Variants in MREG observed in about 807,000 individuals in gnomAD.
MREG encodes the protein melanoregulin, also known as dilute suppressor protein homolog.
MREG carries 31 observed loss-of-function variants against 28.5 expected under a neutral mutation model. That is an observed-to-expected ratio of 1.09 (90% confidence interval 0.82 to 1.47). The LOEUF (loss-of-function observed/expected upper bound fraction) is 1.47. Among genes scored for constraint, MREG ranks in the 40% most tolerant of loss-of-function variants. The pLI, the probability that MREG is intolerant of heterozygous loss-of-function variation, is 0.00. For synonymous variants in MREG, 106 were observed against 95.2 expected, an observed-to-expected ratio of 1.11 and a Z score of -0.66; for missense variants, 256 against 257.4, an observed-to-expected ratio of 0.99 and a Z score of 0.04.
downstream of MREG, among the ~76,000 whole-genome samples, chr2:215,940,617 T>G (rs909862784): frequency 6.6e-6 from 1 of 152,130 alleles, no homozygotes; most frequent in Non-Finnish European, 1.5e-5. Flanking sequence ...GGAAAATATG[T>G]GATAGTGATT....
intron 1 of MREG, among the ~76,000 whole-genome samples, chr2:216,001,995 C>T (rs77818817): frequency 0.011 from 1,610 of 152,200 alleles, 26 homozygotes; most frequent in African/African-American, 0.037. Flanking sequence ...GGACAGATGG[C>T]GGGAAACAGA....
At chr2:216,018,626 C>T (rs181104434) in intron 1 of MREG, among the ~76,000 whole-genome samples, 75 of 152,356 alleles carry the variant, frequency 4.9e-4, no homozygotes, top group Admixed American at 2.5e-3. Flanking sequence ...AGCCAAGCAT[C>T]ATCACTCACC....
At chr2:215,947,489 C>A (rs1005494233) in intron 2 of MREG, among the ~76,000 whole-genome samples, 1 of 152,162 alleles carries the variant, frequency 6.6e-6, no homozygotes, top group Non-Finnish European at 1.5e-5. Context: ...CAGTGAGCAT[C>A]TAATAAAATC....
chr2:216,019,873 C>T (rs1227015606), intron 1 of MREG, among the ~76,000 whole-genome samples: 4 of 152,104 alleles, frequency 2.6e-5, no homozygotes, highest in Non-Finnish European at 5.9e-5. Flanking sequence ...TCTAGAAAAC[C>T]TTAATAGTCA....
At chr2:216,000,784 T>C (rs1011359259) in intron 1 of MREG, among the ~76,000 whole-genome samples, 1 of 152,224 alleles carries the variant, frequency 6.6e-6, no homozygotes, top group African/African-American at 2.4e-5. Flanking sequence ...ACATAACTCA[T>C]GGTTACCGCC....
chr2:215,996,345 A>G lies in MREG; in HGVS notation c.216T>C (p.Asn72=), dbSNP rs531615057. 8 of 1,613,852 alleles carry G rather than the reference A, an allele frequency of 5.0e-6. No homozygotes were observed. Among genetic ancestry groups the G allele is most frequent in the Admixed American group, 3.3e-5 (2 of 59,976 alleles). The change falls in exon 2 of 5, where the codon AAT becomes AAC. Residue 72 remains asparagine (N), a synonymous_variant. Coordinates refer to ENST00000263268, the MANE Select transcript of MREG (RefSeq NM_018000.3). The part of the protein sequence containing the change: ...TEADDDRTLY[N]LIVIRNQQAK... ...CCTGCTGATTACGAATGACTATCAA[A>G]TTGTACAGGGTTCTGTCGTCGTCTG... is the stretch of plus-strand genomic sequence containing the variant.
downstream of MREG, among the ~76,000 whole-genome samples, chr2:215,941,143 C>T (rs774899759): frequency 1.3e-5 from 2 of 151,642 alleles, no homozygotes; most frequent in African/African-American, 4.8e-5. Flanking sequence ...GCTCAACATT[C>T]CCGCTTCCAC....
chr2:216,013,913 G>A (rs1331233229), upstream of MREG, among the ~76,000 whole-genome samples: 1 of 152,022 alleles, frequency 6.6e-6, no homozygotes, highest in Non-Finnish European at 1.5e-5. Context: ...GCATATCGGC[G>A]TAGGGTTTTT....
At chr2:215,993,617 G>A (rs1424976075) in intron 2 of MREG, among the ~76,000 whole-genome samples, 1 of 152,208 alleles carries the variant, frequency 6.6e-6, no homozygotes, top group African/African-American at 2.4e-5. Context: ...ACTATCACCA[G>A]AGTGAACAGG....
intron 2 of MREG, among the ~76,000 whole-genome samples, chr2:215,975,008 T>TATATATATATATATATATATATA (rs1553550371): frequency 1.7e-4 from 18 of 106,608 alleles, no homozygotes; most frequent in African/African-American, 5.0e-4. Context: ...TTTATATGAA[T>TATATATATATATATATATATATA]TATATATATA....
intron 1 of MREG, among the ~76,000 whole-genome samples, chr2:216,032,223 A>C (rs893524106): frequency 1.3e-5 from 2 of 152,250 alleles, no homozygotes; most frequent in African/African-American, 4.8e-5. Flanking sequence ...TTAGAACTAC[A>C]AACTCTGACT....
At chr2:215,948,423 G>A (rs540171965) in intron 2 of MREG, among the ~76,000 whole-genome samples, 6 of 152,250 alleles carry the variant, frequency 3.9e-5, no homozygotes, top group Non-Finnish European at 5.9e-5. Context: ...CATGTTGAAC[G>A]TGCATGTGCA....
At chr2:216,009,064 T>C (rs911531162) in intron 1 of MREG, among the ~76,000 whole-genome samples, 1 of 152,184 alleles carries the variant, frequency 6.6e-6, no homozygotes, top group African/African-American at 2.4e-5. Context: ...TAGTGAATAC[T>C]GAACCATTGT....
chr2:215,983,730 G>A (rs1358707084), intron 2 of MREG, among the ~76,000 whole-genome samples: 2 of 152,166 alleles, frequency 1.3e-5, no homozygotes, highest in Non-Finnish European at 2.9e-5. Flanking sequence ...CAGGGGGTTT[G>A]GCCAAGTGTG....
intron 2 of MREG, among the ~76,000 whole-genome samples, chr2:215,952,921 AAT>A (rs1261701871): frequency 6.6e-6 from 1 of 152,122 alleles, no homozygotes; most frequent in Non-Finnish European, 1.5e-5. Flanking sequence ...TCCCTCTATG[AAT>A]AAAGAGTAAC....
At chr2:215,949,968 CAATAA>C (rs1010467517) in intron 2 of MREG, among the ~76,000 whole-genome samples, 4 of 152,264 alleles carry the variant, frequency 2.6e-5, no homozygotes, top group African/African-American at 9.6e-5. Flanking sequence ...AAAAAGATGA[CAATAA>C]AATAAACAAA....
At chr2:216,006,977 A>G (rs1694171120) in intron 1 of MREG, among the ~76,000 whole-genome samples, 1 of 152,068 alleles carries the variant, frequency 6.6e-6, no homozygotes, top group South Asian at 2.1e-4. Context: ...TCTAACACAC[A>G]CCACGTAAGC....
At chr2:216,013,954 A>T (rs1188960487), upstream of MREG, among the ~76,000 whole-genome samples, 1 of 152,072 alleles carries the variant, frequency 6.6e-6, no homozygotes, top group Non-Finnish European at 1.5e-5. Flanking sequence ...ATGATTTGAA[A>T]AATTGTTTTC....
At chr2:215,987,687 A>G (rs1374286545) in intron 2 of MREG, among the ~76,000 whole-genome samples, 1 of 152,080 alleles carries the variant, frequency 6.6e-6, no homozygotes, top group Non-Finnish European at 1.5e-5. Context: ...TCGAGACCAG[A>G]CAGACCAACA....
Sources: gnomAD v4.1 joint callset for allele counts (sites outside exome capture counted in the v4.1 genomes callset) on GRCh38, gnomAD v4.1.1 for gene constraint, MANE v1.5 for transcripts, NCBI Gene and HGNC (gene_info 2026-07-23, HGNC 2026-07-21) for gene names.